The following SEL1L3 variants were observed in gnomAD, a reference collection of about 807,000 sequenced individuals.
SEL1L3 encodes the protein protein sel-1 homolog 3.
SEL1L3 carries 76 observed loss-of-function variants against 142.8 expected under a neutral mutation model. The observed-to-expected ratio is 0.53, with a 90% confidence interval of 0.44 to 0.64. The LOEUF (loss-of-function observed/expected upper bound fraction) is 0.64. Ranked by LOEUF, SEL1L3 falls within the 30% of genes least tolerant of loss-of-function variation. SEL1L3 has a pLI of 0.00. For missense variants in SEL1L3, 1,262 were observed against 1,381.7 expected, an observed-to-expected ratio of 0.91 and a Z score of 1.37; for synonymous variants, 504 against 519.6, an observed-to-expected ratio of 0.97 and a Z score of 0.41.
intron 11 of SEL1L3, 37 bp from the exon 12 acceptor site, chr4:25,790,611 G>A: frequency 3.3e-5 from 1 of 29,984 alleles, no homozygotes; most frequent in Non-Finnish European, 6.4e-5. Flanking sequence ...AGGAGGGAAA[G>A]AAGGAAGGAA....
At chr4:25,767,863 T>C (rs572327706) in intron 17 of SEL1L3, 33 bp from the exon 18 acceptor site, 7 of 1,269,532 alleles carry the variant, frequency 5.5e-6, no homozygotes, top group Non-Finnish European at 6.7e-6. Flanking sequence ...AAATTTCATA[T>C]AGTGGCTCTT....
chr4:25,754,244 G>A (rs1717799590), intron 23 of SEL1L3, among the ~76,000 whole-genome samples: 1 of 151,580 alleles, frequency 6.6e-6, no homozygotes, highest in Admixed American at 6.6e-5. Flanking sequence ...GGAGGTTGTG[G>A]CGAGCTGAGA....
At chr4:25,812,392 C>T (rs1009568425) in intron 9 of SEL1L3, among the ~76,000 whole-genome samples, 1 of 152,154 alleles carries the variant, frequency 6.6e-6, no homozygotes, top group African/African-American at 2.4e-5. Context: ...TAATGACTGT[C>T]GACTTTCCTG....
chr4:25,810,924 G>A (rs1713979258), intron 9 of SEL1L3, among the ~76,000 whole-genome samples: 1 of 152,232 alleles, frequency 6.6e-6, no homozygotes, highest in Non-Finnish European at 1.5e-5. Flanking sequence ...GGGAGGCGAG[G>A]AACGGGTCCT....
At chr4:25,734,618 G>C in the SEL1L3 span, among the ~76,000 whole-genome samples, 6 of 152,022 alleles carry the variant, frequency 3.9e-5, no homozygotes, top group African/African-American at 1.2e-4. Flanking sequence ...TCCCAGGCTG[G>C]AGTGTAGTGG....
At chr4:25,805,693 T>A (rs183437817) in intron 9 of SEL1L3, among the ~76,000 whole-genome samples, 1 of 152,330 alleles carries the variant, frequency 6.6e-6, no homozygotes, top group East Asian at 1.9e-4. Context: ...TCTTCTAAAG[T>A]CTATCTTTGT....
At chr4:25,721,045 T>C in the SEL1L3 span, 1 of 152,128 alleles carries the variant, frequency 6.6e-6, no homozygotes, top group Non-Finnish European at 1.5e-5. Context: ...ATAGAATTAT[T>C]CCATATTGGA....
the SEL1L3 span, among the ~76,000 whole-genome samples, chr4:25,740,240 C>A: frequency 6.7e-6 from 1 of 149,450 alleles, no homozygotes; most frequent in Non-Finnish European, 1.5e-5. Context: ...TCAAGACCAG[C>A]CTGGACAACA....
chr4:25,774,286 T>C (rs1243012580), intron 17 of SEL1L3, among the ~76,000 whole-genome samples: 12 of 152,184 alleles, frequency 7.9e-5, no homozygotes, highest in Admixed American at 7.9e-4. Flanking sequence ...TAAGCCCTAT[T>C]TGAGGCATCT....
At chr4:25,742,933 G>A (rs1717161417), downstream of SEL1L3, among the ~76,000 whole-genome samples, 1 of 152,110 alleles carries the variant, frequency 6.6e-6, no homozygotes, top group South Asian at 2.1e-4. Context: ...AATGAATTTG[G>A]AGATCTCTCT....
chr4:25,858,835 C>A (rs148616568), intron 1 of SEL1L3, among the ~76,000 whole-genome samples: 1 of 152,286 alleles, frequency 6.6e-6, no homozygotes, highest in African/African-American at 2.4e-5. Flanking sequence ...CCGCCTGCTT[C>A]GGCCTCCCAA....
chr4:25,735,391 T>C, the SEL1L3 span, among the ~76,000 whole-genome samples: 1 of 152,144 alleles, frequency 6.6e-6, no homozygotes, highest in African/African-American at 2.4e-5. Context: ...TGATGGCTCC[T>C]TTTTATTCTT....
At chr4:25,795,990 C>T (rs979306264) in intron 11 of SEL1L3, among the ~76,000 whole-genome samples, 37 of 151,850 alleles carry the variant, frequency 2.4e-4, no homozygotes, top group African/African-American at 7.0e-4. Context: ...CTGGCAGGAA[C>T]CAAGCGTCCC....
intron 19 of SEL1L3, among the ~76,000 whole-genome samples, 196 bp from the exon 20 acceptor site, chr4:25,765,631 T>C (rs1718669829): frequency 6.6e-6 from 1 of 151,966 alleles, no homozygotes; most frequent in Non-Finnish European, 1.5e-5. Context: ...TTTCTAGACA[T>C]ATTTTTTTTC....
intron 23 of SEL1L3, chr4:25,757,027 G>T: frequency 9.6e-7 from 1 of 1,043,438 alleles, no homozygotes; most frequent in Non-Finnish European, 1.2e-6. Flanking sequence ...CAGCACTTCA[G>T]GAGGATGAGG....
chr4:25,798,143 G>A (rs950810371), intron 11 of SEL1L3, among the ~76,000 whole-genome samples: 15 of 152,166 alleles, frequency 9.9e-5, no homozygotes, highest in Non-Finnish European at 1.5e-4. Context: ...GTCTCATACG[G>A]CATCCGATGA....
chr4:25,733,581 C>T, the SEL1L3 span, among the ~76,000 whole-genome samples: 17 of 137,696 alleles, frequency 1.2e-4, no homozygotes, highest in South Asian at 4.7e-4. Context: ...AGTGCAGTGG[C>T]GCAATCTCGG....
intron 2 of SEL1L3, 81 bp downstream of exon 2, chr4:25,847,213 G>T (rs781294224): frequency 2.9e-5 from 35 of 1,203,478 alleles, no homozygotes; most frequent in Middle Eastern, 2.0e-4. Flanking sequence ...GCTAATAGAA[G>T]AATTTTCTCT....
At position 25,804,733 on chromosome 4, in the gene SEL1L3, T is replaced by C. The variant is rs186360402; in HGVS notation, c.1584A>G (p.Glu528=). 6 of 1,612,950 alleles carry C rather than the reference T, an allele frequency of 3.7e-6. No individual in the cohort carries two copies. Among genetic ancestry groups the C allele is most frequent in the Non-Finnish European group, 8.5e-7 (1 of 1,179,160 alleles). ...DLLTVPRNQN[E]SVSEIGGKIF... is the part of the protein sequence containing the mutation. The stretch of plus-strand genomic sequence containing the variant: ...TCTTCCCACCGATTTCTGATACAGA[T>C]TCATTTTGGTTCCTTGGCACTGTAA... Residue 528 remains glutamate (E), a synonymous_variant, in exon 10 of 24, where the codon GAA becomes GAG. Coordinates refer to ENST00000399878, the MANE Select transcript of SEL1L3 (RefSeq NM_015187.5).
Sources: gnomAD v4.1 joint callset for allele counts (sites outside exome capture counted in the v4.1 genomes callset) on GRCh38, gnomAD v4.1.1 for gene constraint, MANE v1.5 for transcripts, NCBI Gene and HGNC (gene_info 2026-07-23, HGNC 2026-07-21) for gene names.